The following NREP variants were observed in gnomAD, a reference collection of about 807,000 sequenced individuals.
NREP encodes the protein neuronal regeneration related protein.
In NREP, 5 loss-of-function variants were observed where a neutral mutation model predicts 8.6. That is an observed-to-expected ratio of 0.58 (90% CI 0.30 to 1.22). The LOEUF (loss-of-function observed/expected upper bound fraction) is 1.22. NREP is among the 50% of genes most tolerant of loss of function. The pLI is 0.07. For synonymous variants in NREP, 27 were observed against 28.0 expected, an observed-to-expected ratio of 0.96 and a Z score of 0.11; for missense variants, 86 against 82.5, an observed-to-expected ratio of 1.04 and a Z score of -0.17.
chr5:111,884,211 C>T (rs1443306614), intron 2 of NREP, among the ~76,000 whole-genome samples: 3 of 151,400 alleles, frequency 2.0e-5, no homozygotes, highest in African/African-American at 4.9e-5. Flanking sequence ...CGCAAATAAA[C>T]TAGAAAATCT....
At chr5:111,934,545 C>A (rs1470962612) in intron 2 of NREP, among the ~76,000 whole-genome samples, 1 of 151,978 alleles carries the variant, frequency 6.6e-6, no homozygotes, top group African/African-American at 2.4e-5. Flanking sequence ...CCACATAGGA[C>A]CAGAAAAGAA....
intron 2 of NREP, among the ~76,000 whole-genome samples, chr5:111,810,061 A>T (rs1464033482): frequency 6.6e-6 from 1 of 152,098 alleles, no homozygotes; most frequent in Non-Finnish European, 1.5e-5. Flanking sequence ...ACTAAATGGG[A>T]TATTAGTTAG....
chr5:111,913,086 T>C (rs1167726659), intron 2 of NREP, among the ~76,000 whole-genome samples: 1 of 152,130 alleles, frequency 6.6e-6, no homozygotes, highest in East Asian at 1.9e-4. Flanking sequence ...TTTTACAATT[T>C]TTCATTTTAC....
At chr5:111,772,841 A>C (rs1166956962) in intron 2 of NREP, among the ~76,000 whole-genome samples, 2 of 152,334 alleles carry the variant, frequency 1.3e-5, no homozygotes, top group South Asian at 2.1e-4. Context: ...AGTTTAATAT[A>C]AACGATGCTG....
At chr5:111,943,421 G>A (rs1485171167) in intron 2 of NREP, among the ~76,000 whole-genome samples, 1 of 151,922 alleles carries the variant, frequency 6.6e-6, no homozygotes, top group Non-Finnish European at 1.5e-5. Context: ...TTCCCTGGGT[G>A]GTGAAGAGTC....
Position 111,858,681 on chromosome 5 carries a change from C to T in NREP, c.135+116593G>A, listed in dbSNP as rs1035600550. ...ATTTGGGAGCTAGTAGGGGCTTTCTCGATCATAAGGTCTGATTCATTCACT... is the reference window on the plus strand; with the variant it reads ...ATTTGGGAGCTAGTAGGGGCTTTCTTGATCATAAGGTCTGATTCATTCACT... On this transcript the variant is annotated intron_variant, in intron 2 of 3. Coordinates refer to the NREP transcript ENST00000395634. 1.3e-5 allele frequency among the ~76,000 whole-genome samples: 2 copies of T among 151,970 alleles called. 1 individual carries two copies. The highest frequency in any genetic ancestry group is 4.1e-4 in the South Asian group (2 of 4,830).
At chr5:111,942,068 C>A (rs1200294620) in intron 2 of NREP, among the ~76,000 whole-genome samples, 1 of 151,846 alleles carries the variant, frequency 6.6e-6, no homozygotes, top group Non-Finnish European at 1.5e-5. Context: ...TCTCAAAGAT[C>A]GATTCCATGA....
chr5:111,949,375 A>G (rs2112631231), intron 2 of NREP, among the ~76,000 whole-genome samples: 1 of 151,926 alleles, frequency 6.6e-6, no homozygotes, highest in South Asian at 2.1e-4. Context: ...TTTTTTTTTA[A>G]GTAAACAACA....
intron 2 of NREP, among the ~76,000 whole-genome samples, chr5:111,900,859 A>C (rs1754630341): frequency 6.6e-6 from 1 of 152,192 alleles, no homozygotes; most frequent in African/African-American, 2.4e-5. Context: ...ATTCTTCTCA[A>C]CTATTCCAAA....
chr5:111,859,297 T>C (rs1581169871), intron 2 of NREP, among the ~76,000 whole-genome samples: 1 of 152,180 alleles, frequency 6.6e-6, no homozygotes, highest in South Asian at 2.1e-4. Context: ...AGTTATTAGT[T>C]GTAGCTAGCC....
rs1014796907 is a variant in NREP, at chr5:111,975,212, T to C, written c.135+62A>G. The stretch of plus-strand genomic sequence containing the variant: ...TCAGGAATCACTTGGTTGCATGTGA[T>C]GGAAACCCAACTTGAACTAGCTTAA... On this transcript the variant is annotated intron_variant, in intron 2 of 3. Transcript: ENST00000395634. 1.7e-5 allele frequency: 21 copies of C among 1,227,770 alleles called. No individual in the cohort carries two copies. The African/African-American group carries it at 2.9e-4, about 17-fold the overall frequency. The allele number at this position is 1,227,770 out of a possible 1,614,324, so 76.1% of individuals were successfully genotyped here.
chr5:111,962,901 C>T lies in NREP; in HGVS notation c.135+12373G>A, dbSNP rs182479520. ...TCTAGCTCCCCTCTCCACTGACAGC[C>T]ACTTCCATCACTAAATAAAATTCTC... On this transcript the variant is annotated intron_variant, in intron 2 of 3. Coordinates refer to the NREP transcript ENST00000395634. Among the ~76,000 whole-genome samples, 219 of 152,336 alleles carry T rather than the reference C, an allele frequency of 1.4e-3. 1 individual carries two copies. Among genetic ancestry groups the T allele is most frequent in the Non-Finnish European group, 2.5e-3 (172 of 68,022 alleles).
intron 2 of NREP, among the ~76,000 whole-genome samples, chr5:111,752,949 T>C (rs1056403664): frequency 2.0e-5 from 3 of 152,124 alleles, no homozygotes; most frequent in South Asian, 4.1e-4. Context: ...GCCTTTAAAA[T>C]AGAATACCTA....
chr5:111,922,490 T>A (rs1161513860), intron 2 of NREP, among the ~76,000 whole-genome samples: 1 of 152,114 alleles, frequency 6.6e-6, no homozygotes, highest in East Asian at 1.9e-4. Context: ...GAGTGCCCCT[T>A]GATTTTGGCA....
intron 2 of NREP, among the ~76,000 whole-genome samples, chr5:111,751,610 G>A (rs1447319590): frequency 6.6e-6 from 1 of 152,090 alleles, no homozygotes; most frequent in African/African-American, 2.4e-5. Context: ...TACCAACCAA[G>A]ATGACATAAT....
chr5:111,769,684 T>C (rs1374712506), intron 2 of NREP, among the ~76,000 whole-genome samples: 1 of 152,148 alleles, frequency 6.6e-6, no homozygotes, highest in African/African-American at 2.4e-5. Context: ...AAACTTACAA[T>C]TATAGCAGAA....
At chr5:111,824,100 G>GTGGCC (rs1410089049) in intron 2 of NREP, among the ~76,000 whole-genome samples, 1 of 152,192 alleles carries the variant, frequency 6.6e-6, no homozygotes, top group Non-Finnish European at 1.5e-5. Flanking sequence ...GCCCGGCATG[G>GTGGCC]TGGCTCAAGC....
chr5:111,918,147 C>G (rs1034062842), intron 2 of NREP, among the ~76,000 whole-genome samples: 1 of 152,126 alleles, frequency 6.6e-6, no homozygotes, highest in African/African-American at 2.4e-5. Flanking sequence ...ATACAACTTA[C>G]AAGGCATGTG....
rs149151690 is a variant in NREP at position 111,952,776 on chromosome 5, T to A, written c.135+22498A>T. Among the ~76,000 whole-genome samples, 110 of 152,248 alleles carry A rather than the reference T, an allele frequency of 7.2e-4. 1 individual carries two copies. Among genetic ancestry groups the A allele is most frequent in the African/African-American group, 2.6e-3 (108 of 41,560 alleles). On this transcript the variant is annotated intron_variant, in intron 2 of 3. Transcript: ENST00000395634. Reference sequence around the variant, plus strand: ...AATGTCAATCTCTTGATTGTTATTGTCCTGTAGTTATGCAAGATGTTACCA... The same window carrying A: ...AATGTCAATCTCTTGATTGTTATTGACCTGTAGTTATGCAAGATGTTACCA...
Sources: gnomAD v4.1 joint callset for allele counts (sites outside exome capture counted in the v4.1 genomes callset) on GRCh38, gnomAD v4.1.1 for gene constraint, MANE v1.5 for transcripts, NCBI Gene and HGNC (gene_info 2026-07-23, HGNC 2026-07-21) for gene names.